The following DLG2 variants were observed in gnomAD, a reference collection of about 807,000 sequenced individuals.
The protein encoded by DLG2 is disks large homolog 2.
Under a neutral mutation model 132.5 loss-of-function variants are expected in DLG2, and 45 were observed. The observed-to-expected ratio is 0.34, with a 90% confidence interval of 0.27 to 0.44. The LOEUF (loss-of-function observed/expected upper bound fraction) is 0.44. Among genes scored for constraint, DLG2 ranks in the 20% least tolerant of loss-of-function variants. DLG2 has a pLI of 1.00. For missense variants in DLG2, 1,045 were observed against 1,196.9 expected (o/e 0.87, Z 1.87); for synonymous variants, 424 against 419.6 (o/e 1.01, Z -0.13).
chr11:83,598,955 G>T (rs1040436401), intron 19 of DLG2, among the ~76,000 whole-genome samples: 8 of 152,056 alleles, frequency 5.3e-5, no homozygotes, highest in African/African-American at 1.9e-4. Context: ...CCTCCAGCTG[G>T]CTTTCATCTG....
intron 21 of DLG2, among the ~76,000 whole-genome samples, chr11:83,513,798 T>C (rs1208430878): frequency 6.6e-6 from 1 of 152,226 alleles, no homozygotes; most frequent in Non-Finnish European, 1.5e-5. Flanking sequence ...CCTTTCCCCA[T>C]TTCTTGTTTT....
intron 8 of DLG2, among the ~76,000 whole-genome samples, chr11:84,219,621 C>T (rs1273077175): frequency 3.3e-5 from 5 of 152,166 alleles, no homozygotes; most frequent in African/African-American, 7.2e-5. Flanking sequence ...GAACTATTTG[C>T]GGATCCATCT....
intron 3 of DLG2, among the ~76,000 whole-genome samples, chr11:85,590,710 G>A (rs2079266384): frequency 6.6e-6 from 1 of 150,786 alleles, no homozygotes; most frequent in South Asian, 2.1e-4. Context: ...AAAATTCAAG[G>A]CTATAATATT....
intron 6 of DLG2, among the ~76,000 whole-genome samples, chr11:84,552,952 T>C (rs1460206278): frequency 6.6e-6 from 1 of 152,222 alleles, no homozygotes; most frequent in African/African-American, 2.4e-5. Flanking sequence ...GCTAAAGTAC[T>C]ATCTCTTACT....
chr11:84,039,235 ATACTT>A (rs1330429061), intron 11 of DLG2, among the ~76,000 whole-genome samples: 1 of 149,018 alleles, frequency 6.7e-6, no homozygotes, highest in Non-Finnish European at 1.5e-5. Context: ...TTTTATTATT[ATACTT>A]TAAGATTTAG....
At chr11:84,862,741 T>C (rs1387546842) in intron 6 of DLG2, among the ~76,000 whole-genome samples, 1 of 140,142 alleles carries the variant, frequency 7.1e-6, no homozygotes, top group Non-Finnish European at 1.5e-5. Context: ...ACGTCGCATG[T>C]TCTCACTCAT....
intron 6 of DLG2, among the ~76,000 whole-genome samples, chr11:84,768,001 A>G (rs567858374): frequency 6.6e-6 from 1 of 152,152 alleles, no homozygotes; most frequent in Non-Finnish European, 1.5e-5. Context: ...AAGGAGAACA[A>G]TAAAGAGGAG....
intron 6 of DLG2, among the ~76,000 whole-genome samples, chr11:84,687,839 T>A (rs2099739449): frequency 6.6e-6 from 1 of 152,174 alleles, no homozygotes; most frequent in Non-Finnish European, 1.5e-5. Context: ...GTGAAACAAA[T>A]ATCTAATCAG....
chr11:84,541,222 C>A (rs1361093756), intron 6 of DLG2, among the ~76,000 whole-genome samples: 1 of 148,766 alleles, frequency 6.7e-6, no homozygotes, highest in Admixed American at 6.7e-5. Flanking sequence ...AATAAAGAAA[C>A]TTTGTAAACA....
intron 7 of DLG2, among the ~76,000 whole-genome samples, chr11:84,365,359 T>C (rs1310939494): frequency 1.3e-5 from 2 of 152,148 alleles, no homozygotes; most frequent in Non-Finnish European, 2.9e-5. Context: ...GGTGGTGATA[T>C]CCCCTTTATT....
chr11:84,979,825 C>G (rs577731569), intron 6 of DLG2, among the ~76,000 whole-genome samples: 133 of 151,716 alleles, frequency 8.8e-4, no homozygotes, highest in African/African-American at 3.2e-3. Context: ...AAAAATCCTC[C>G]TTCAAAAAAA....
At chr11:84,555,357 A>C (rs2099409879) in intron 6 of DLG2, among the ~76,000 whole-genome samples, 1 of 152,208 alleles carries the variant, frequency 6.6e-6, no homozygotes, top group African/African-American at 2.4e-5. Context: ...TGTTCATAGT[A>C]GTACTATTCA....
chr11:84,203,942 G>C (rs978250370), intron 8 of DLG2, among the ~76,000 whole-genome samples: 8 of 152,110 alleles, frequency 5.3e-5, no homozygotes, highest in African/African-American at 1.7e-4. Flanking sequence ...TAAAATAAAA[G>C]TCGGGGAAAA....
intron 3 of DLG2, among the ~76,000 whole-genome samples, chr11:85,493,411 CTT>C (rs2093605385): frequency 6.6e-6 from 1 of 152,132 alleles, no homozygotes. Context: ...TAAATGTCAC[CTT>C]CTAAAGAGGA....
At chr11:85,025,716 A>G (rs1203526158) in intron 6 of DLG2, among the ~76,000 whole-genome samples, 1 of 152,170 alleles carries the variant, frequency 6.6e-6, no homozygotes, top group East Asian at 1.9e-4. Context: ...AAAGTTGGCT[A>G]ATAAGAAGGT....
At chr11:84,728,627 C>G (rs186331696) in intron 6 of DLG2, among the ~76,000 whole-genome samples, 12 of 152,226 alleles carry the variant, frequency 7.9e-5, no homozygotes, top group African/African-American at 2.9e-4. Context: ...GGAGGATTCC[C>G]TCTTTTTCTA....
At chr11:84,946,945 T>G (rs2050291339) in intron 6 of DLG2, among the ~76,000 whole-genome samples, 1 of 152,176 alleles carries the variant, frequency 6.6e-6, no homozygotes, top group Non-Finnish European at 1.5e-5. Flanking sequence ...ATTCTCCTTA[T>G]ATGTGTGCCA....
intron 9 of DLG2, among the ~76,000 whole-genome samples, chr11:84,143,227 C>G (rs977448574): frequency 6.6e-6 from 1 of 152,030 alleles, no homozygotes; most frequent in African/African-American, 2.4e-5. Context: ...GAGAAGAAAG[C>G]CTTGAAGTAA....
chr11:84,260,479 T>C (rs779298453), intron 7 of DLG2, among the ~76,000 whole-genome samples: 17 of 152,302 alleles, frequency 1.1e-4, no homozygotes, highest in Non-Finnish European at 2.4e-4. Context: ...GAAACACAAA[T>C]TGGCAATTAT....
Sources: allele counts gnomAD v4.1 joint callset (sites outside exome capture counted in the v4.1 genomes callset), GRCh38; gene constraint gnomAD v4.1.1; transcripts MANE v1.5; gene names NCBI Gene and HGNC (gene_info 2026-07-23, HGNC 2026-07-21).